Variants in PIAS1 observed in about 807,000 individuals in gnomAD.
PIAS1 encodes the protein protein inhibitor of activated STAT 1.
A neutral mutation model predicts 71.3 loss-of-function variants in PIAS1; 6 were observed. The observed-to-expected ratio is 0.08, with a 90% CI of 0.05 to 0.17. PIAS1 has a LOEUF of 0.17. Among genes scored for constraint, PIAS1 ranks in the 10% least tolerant of loss-of-function variants. The pLI, the probability that PIAS1 is intolerant of heterozygous loss-of-function variation, is 1.00. For missense variants in PIAS1, 555 were observed against 793.6 expected, an observed-to-expected ratio of 0.70 and a Z score of 3.61; for synonymous variants, 303 against 292.9, an observed-to-expected ratio of 1.03 and a Z score of -0.35.
chr15:68,164,186 A>T (rs539382570), intron 7 of PIAS1, among the ~76,000 whole-genome samples: 21 of 152,176 alleles, frequency 1.4e-4, no homozygotes, highest in Non-Finnish European at 2.9e-4. Context: ...TTATAGAGAA[A>T]TAGATTAAAA....
chr15:68,084,503 A>C (rs188002626), intron 1 of PIAS1, among the ~76,000 whole-genome samples: 23 of 152,336 alleles, frequency 1.5e-4, no homozygotes, highest in African/African-American at 4.8e-4. Context: ...TAACATTAAA[A>C]AGAGAAAACA....
Position 68,164,740 on chromosome 15 carries a change from A to G in PIAS1, c.944A>G (p.Lys315Arg). Residue 315 changes from lysine (K) to arginine (R), a missense_variant, in exon 8 of 14, where the codon AAG becomes AGG. By Grantham distance (26) the Lys-to-Arg change is conservative (BLOSUM62 2). Coordinates refer to ENST00000249636, the MANE Select transcript of PIAS1 (RefSeq NM_016166.3). ...PDHSRALIKEKLTADPDSEIA... is the reference protein window; with the variant it reads ...PDHSRALIKERLTADPDSEIA... ...CTTCAATGAATATCAGTTAAAGAGA[A>G]GTTGACTGCGGATCCAGACAGTGAA... 6.3e-7 allele frequency: 1 copy of G among 1,587,912 alleles called. No homozygotes were observed. The highest frequency in any genetic ancestry group is 8.6e-7 in the Non-Finnish European group (1 of 1,162,164).
intron 2 of PIAS1, among the ~76,000 whole-genome samples, chr15:68,123,994 A>ACACG (rs1045446102): frequency 6.6e-6 from 1 of 151,642 alleles, no homozygotes; most frequent in African/African-American, 2.4e-5. Flanking sequence ...ACACACACAC[A>ACACG]CACGTATACA....
Position 68,193,398 on chromosome 15 carries a change from G to C in PIAS1, c.*5563G>C, listed in dbSNP as rs1480475554. Reference sequence around the variant, plus strand: ...TACACTCTGTGTTTATGAATGAATAGCCTGAGCTATGTCACTATATCTGTT... The same window carrying C: ...TACACTCTGTGTTTATGAATGAATACCCTGAGCTATGTCACTATATCTGTT... On this transcript the variant is annotated 3_prime_UTR_variant, in exon 14 of 14. Coordinates refer to ENST00000249636, the MANE Select transcript of PIAS1 (RefSeq NM_016166.3). 6.6e-6 allele frequency: 1 copy of C among 152,458 alleles called. No individual in the cohort carries two copies. The highest frequency in any genetic ancestry group is 1.5e-5 in the Non-Finnish European group (1 of 68,244). 9.4% of individuals were successfully genotyped at this position (152,458 alleles called of 1,614,324 possible).
chr15:68,164,469 T>C (rs1339161726), intron 7 of PIAS1, among the ~76,000 whole-genome samples: 2 of 152,176 alleles, frequency 1.3e-5, no homozygotes, highest in Non-Finnish European at 2.9e-5. Flanking sequence ...GAAATTTCTC[T>C]CATATTGCTG....
At position 68,187,093 on chromosome 15, in the gene PIAS1, G is replaced by T. The variant is rs1035337213; in HGVS notation, c.1663-449G>T. Among the ~76,000 whole-genome samples the T allele has an allele frequency of 6.6e-6, 1 of 152,146 alleles. No homozygotes were observed. Among genetic ancestry groups the T allele is most frequent in the African/African-American group, 2.4e-5 (1 of 41,396 alleles). ...TAAATAAAAATTCTAACTTTCAGTG[G>T]TGCCTGAGTGTATAATAAGAACAGT... On this transcript the variant is annotated intron_variant, in intron 13 of 13. Coordinates refer to ENST00000249636, the MANE Select transcript of PIAS1 (RefSeq NM_016166.3). This position sits in a 1 kb window ranked among gnomAD's most constrained non-coding sequence, Gnocchi z 5.3.
At chr15:68,092,965 GATAC>G (rs1359245220) in intron 2 of PIAS1, among the ~76,000 whole-genome samples, 1 of 152,196 alleles carries the variant, frequency 6.6e-6, no homozygotes, top group African/African-American at 2.4e-5. Flanking sequence ...GATAAAAAGT[GATAC>G]ATAAGTTAAA....
rs1234515660 is a variant in PIAS1, at chr15:68,185,245, G to C, written c.1662+1578G>C. ...TTGCTGCAACTGAAAAACACCGAGA[G>C]GACACTGATGCAATTCTGGAAGGTT... On this transcript the variant is annotated intron_variant, in intron 13 of 13. Coordinates refer to ENST00000249636, the MANE Select transcript of PIAS1 (RefSeq NM_016166.3). This position sits in a 1 kb window ranked among gnomAD's most constrained non-coding sequence, Gnocchi z 4.4. Among the ~76,000 whole-genome samples the C allele has an allele frequency of 6.6e-6, 1 of 152,102 alleles. No homozygotes were observed. Among genetic ancestry groups the C allele is most frequent in the Non-Finnish European group, 1.5e-5 (1 of 68,010 alleles).
Position 68,189,775 on chromosome 15 carries a change from A to C in PIAS1, c.*1940A>C, listed in dbSNP as rs907055979. The C allele has an allele frequency of 1.3e-5, 2 of 152,270 alleles. No individual in the cohort carries two copies. The highest frequency in any genetic ancestry group is 4.8e-5 in the African/African-American group (2 of 41,538). The allele number at this position is 152,270 out of a possible 1,614,324, so 9.4% of individuals were successfully genotyped here. A position where few individuals can be genotyped will look rare whatever the true frequency, so the allele number is the denominator to read the frequency against. On this transcript the variant is annotated 3_prime_UTR_variant, in exon 14 of 14. Transcript: ENST00000249636. ...TAAAACAATTTGCAATAAAAAAAAA[A>C]CCAAAACAGATTGTCAGTTAACCAG...
rs1332948910 is a variant in PIAS1 at position 68,171,470 on chromosome 15, A to C, written c.1009-2262A>C. Reference sequence around the variant, plus strand: ...CGTATATGCGGTTCAGTGTTGACCAAAATGTTATGTGGTGCTTGATTGTAA... The same window carrying C: ...CGTATATGCGGTTCAGTGTTGACCACAATGTTATGTGGTGCTTGATTGTAA... On this transcript the variant is annotated intron_variant, in intron 8 of 13. Transcript: ENST00000249636. This position sits in a 1 kb window ranked among gnomAD's most constrained non-coding sequence, Gnocchi z 4.4. 6.6e-6 allele frequency among the ~76,000 whole-genome samples: 1 copy of C among 152,206 alleles called. No homozygotes were observed. Among genetic ancestry groups the C allele is most frequent in the Non-Finnish European group, 1.5e-5 (1 of 68,036 alleles).
chr15:68,083,202 T>C (rs142774220), intron 1 of PIAS1, among the ~76,000 whole-genome samples: 5 of 152,310 alleles, frequency 3.3e-5, no homozygotes, highest in African/African-American at 1.2e-4. Context: ...ATATATTTCA[T>C]TTCAACAACT....
rs1166789471 is a variant in PIAS1 at position 68,128,993 on chromosome 15, CTT to C, written c.470-12950_470-12949del. On this transcript the variant is annotated intron_variant, in intron 2 of 13. Transcript: ENST00000249636. ...GTAATCAGTGATAAACAGAAAAAAA[CTT>C]TTAATATATAATGTGTTATATAACA... 9.9e-5 allele frequency among the ~76,000 whole-genome samples: 15 copies of C among 152,012 alleles called. No individual in the cohort carries two copies. In the East Asian group the frequency reaches 1.3e-3, roughly 14 times the overall value.
At position 68,146,714 on chromosome 15, in the gene PIAS1, T is replaced by C; in HGVS notation, c.828+14T>C. 25 of 1,598,826 alleles carry C rather than the reference T, an allele frequency of 1.6e-5. No homozygotes were observed. Among genetic ancestry groups the C allele is most frequent in the African/African-American group, 4.0e-5 (3 of 74,812 alleles). On this transcript the variant is annotated intron_variant, in intron 6 of 13. Coordinates refer to ENST00000249636, the MANE Select transcript of PIAS1 (RefSeq NM_016166.3). ...GAAATTGGAAGAGTAAGTAAATTTT[T>C]GTTTCTACCAGATTTTTGTATTATA... is the stretch of plus-strand genomic sequence containing the variant.
chr15:68,070,341 G>A (rs2092081715), intron 1 of PIAS1, among the ~76,000 whole-genome samples: 1 of 152,206 alleles, frequency 6.6e-6, no homozygotes, highest in Non-Finnish European at 1.5e-5. Flanking sequence ...TTCTTGAAAT[G>A]AAGCAAGTAA....
intron 8 of PIAS1, among the ~76,000 whole-genome samples, chr15:68,165,819 A>G (rs1260057168): frequency 1.1e-4 from 17 of 152,180 alleles, no homozygotes. Flanking sequence ...TTTTTGTTCT[A>G]TAATTAATCA....
chr15:68,064,485 T>C (rs935791435), intron 1 of PIAS1, among the ~76,000 whole-genome samples: 5 of 152,334 alleles, frequency 3.3e-5, no homozygotes, highest in Admixed American at 2.0e-4. Context: ...AAATCATGCC[T>C]GGATAAAAAG....
At chr15:68,177,178 G>A (rs1007007030) in intron 11 of PIAS1, among the ~76,000 whole-genome samples, 8 of 150,760 alleles carry the variant, frequency 5.3e-5, no homozygotes, top group Admixed American at 5.3e-4. Context: ...ACTCTGGAGG[G>A]TGAGGCAGGA....
In PIAS1 at chr15:68,054,867, C is replaced by G. The variant is rs1042239513; in HGVS notation, c.24+517C>G. 12 of 152,440 alleles carry G rather than the reference C, an allele frequency of 7.9e-5. No individual in the cohort carries two copies. The highest frequency in any genetic ancestry group is 7.8e-4 in the Admixed American group (12 of 15,288). The allele number at this position is 152,440 out of a possible 1,614,324, so 9.4% of individuals were successfully genotyped here. On this transcript the variant is annotated intron_variant, in intron 1 of 13. Coordinates refer to ENST00000249636, the MANE Select transcript of PIAS1 (RefSeq NM_016166.3). This position sits in a 1 kb window ranked among gnomAD's most constrained non-coding sequence, Gnocchi z 4.6. The stretch of plus-strand genomic sequence containing the variant: ...CCTCCGTGGATCCCAGTAGCCCCCG[C>G]CCCGGACTCGGCTTTCCCCGGCTGC...
At position 68,054,366 on chromosome 15, in the gene PIAS1, A is replaced by C; in HGVS notation, c.24+16A>C. ...GGAACTAAAGGTAAAGCGCAGCTCG[A>C]ATTCACTTCTAATATTCGGCCGCGG... On this transcript the variant is annotated intron_variant, in intron 1 of 13. Coordinates refer to ENST00000249636, the MANE Select transcript of PIAS1 (RefSeq NM_016166.3). The surrounding 1 kb of genome is among the most constrained non-coding windows in gnomAD (Gnocchi z 4.6). 2 of 1,567,274 alleles carry C rather than the reference A, an allele frequency of 1.3e-6. No individual in the cohort carries two copies. Among genetic ancestry groups the C allele is most frequent in the Middle Eastern group, 1.7e-4 (1 of 6,012 alleles).
Sources: gnomAD v4.1 joint callset for allele counts (sites outside exome capture counted in the v4.1 genomes callset) on GRCh38, gnomAD v4.1.1 for gene constraint, Gnocchi (gnomAD v3.1) non-coding constraint, MANE v1.5 for transcripts, NCBI Gene and HGNC (gene_info 2026-07-23, HGNC 2026-07-21) for gene names.